FOXJ3: variants seen among roughly 807,000 people sequenced by gnomAD.
FOXJ3 encodes forkhead box protein J3.
FOXJ3 carries 22 observed loss-of-function variants against 76.1 expected under a neutral mutation model. The observed-to-expected ratio is 0.29, with a 90% CI of 0.21 to 0.41. The LOEUF (loss-of-function observed/expected upper bound fraction) is 0.41. Ranked by LOEUF, FOXJ3 falls within the 10% of genes least tolerant of loss-of-function variation. The probability of loss-of-function intolerance (pLI) is 1.00; values close to 1 mark genes in which losing one functional copy is unlikely to be tolerated. For missense variants in FOXJ3, 613 were observed against 762.1 expected, an observed-to-expected ratio of 0.80 and a Z score of 2.30; for synonymous variants, 269 against 261.2, an observed-to-expected ratio of 1.03 and a Z score of -0.29.
intron 4 of FOXJ3, among the ~76,000 whole-genome samples, chr1:42,257,487 G>A (rs1195148418): frequency 2.6e-5 from 4 of 152,064 alleles, no homozygotes; most frequent in East Asian, 1.9e-4. Flanking sequence ...AGGCCAACGC[G>A]GGTGGATAAT....
intron 1 of FOXJ3, among the ~76,000 whole-genome samples, chr1:42,334,630 C>A (rs532851902): frequency 6.6e-6 from 1 of 152,348 alleles, no homozygotes; most frequent in South Asian, 2.1e-4. Flanking sequence ...CAGAAAAGCG[C>A]CCCCAAGCTT....
intron 5 of FOXJ3, among the ~76,000 whole-genome samples, chr1:42,212,149 G>A (rs1646977618): frequency 6.6e-6 from 1 of 152,264 alleles, no homozygotes; most frequent in African/African-American, 2.4e-5. Context: ...AGCTACTCAG[G>A]AGGCTGAGCC....
At chr1:42,332,900 G>C (rs185049563) in intron 1 of FOXJ3, among the ~76,000 whole-genome samples, 1 of 152,258 alleles carries the variant, frequency 6.6e-6, no homozygotes, top group African/African-American at 2.4e-5. Flanking sequence ...GTTATCCCAA[G>C]GAGAAGTTTG....
intron 3 of FOXJ3, among the ~76,000 whole-genome samples, chr1:42,275,179 G>A (rs72952392): frequency 0.017 from 2,572 of 152,232 alleles, 70 homozygotes; most frequent in African/African-American, 0.059. Context: ...AGGGAATCAC[G>A]CACAGCACAT....
rs1178621516 is a variant in FOXJ3 at position 42,195,058 on chromosome 1, T to C, written c.766A>G (p.Ser256Gly). ...GATTGAGAGACTGATTCTGGATGGC[T>C]TGTCACCTAACATTAAAAGAAAACA... ...GSVHSYTPVT[S>G]HPESVSQSLT... The change falls in exon 8 of 13, where the codon AGC becomes GGC. Residue 256 changes from serine to glycine, a missense_variant. By Grantham distance (56) the Ser-to-Gly change is moderately conservative (BLOSUM62 0). This residue lies in a region of FOXJ3 where 526 missense variants were observed against 601.4 expected (regional missense o/e 0.87). Transcript: ENST00000361346. 16 of 1,598,188 alleles carry C rather than the reference T, an allele frequency of 1.0e-5. No homozygotes were observed. The highest frequency in any genetic ancestry group is 1.3e-5 in the Non-Finnish European group (15 of 1,175,078).
intron 5 of FOXJ3, among the ~76,000 whole-genome samples, chr1:42,213,254 A>G (rs1190095108): frequency 6.6e-6 from 1 of 152,134 alleles, no homozygotes; most frequent in East Asian, 1.9e-4. Context: ...TACATGGTCT[A>G]AATGTTCCAC....
chr1:42,235,491 C>T (rs1256228064), intron 4 of FOXJ3, among the ~76,000 whole-genome samples: 6 of 152,148 alleles, frequency 3.9e-5, no homozygotes, highest in Non-Finnish European at 1.5e-5. Context: ...TCTTCTGCAT[C>T]GCTCACTCTA....
intron 4 of FOXJ3, among the ~76,000 whole-genome samples, chr1:42,235,440 G>A (rs987780354): frequency 6.6e-6 from 1 of 152,206 alleles, no homozygotes; most frequent in Non-Finnish European, 1.5e-5. Context: ...TCCCCAGTGA[G>A]ATGAACCCAG....
At chr1:42,313,268 C>CA (rs1281801976) in intron 1 of FOXJ3, among the ~76,000 whole-genome samples, 1 of 149,916 alleles carries the variant, frequency 6.7e-6, no homozygotes, top group Non-Finnish European at 1.5e-5. Flanking sequence ...ACCTGGGAGG[C>CA]AGAGGTTGCA....
At chr1:42,326,365 G>A (rs1345066100) in intron 1 of FOXJ3, among the ~76,000 whole-genome samples, 1 of 152,158 alleles carries the variant, frequency 6.6e-6, no homozygotes, top group Non-Finnish European at 1.5e-5. Flanking sequence ...AGAGAGCTTA[G>A]AAAATATATA....
chr1:42,203,716 C>G (rs970112900), intron 6 of FOXJ3, among the ~76,000 whole-genome samples: 26 of 152,254 alleles, frequency 1.7e-4, no homozygotes, highest in African/African-American at 6.3e-4. Context: ...TTGAACTCAG[C>G]CAGGTGTGGT....
intron 4 of FOXJ3, among the ~76,000 whole-genome samples, chr1:42,249,878 G>A (rs1649879185): frequency 6.6e-6 from 1 of 152,174 alleles, no homozygotes; most frequent in Non-Finnish European, 1.5e-5. Flanking sequence ...AAAAGTTAGA[G>A]TAGGTTAAAA....
chr1:42,276,411 C>A (rs6704227), intron 3 of FOXJ3, among the ~76,000 whole-genome samples: 111,348 of 151,922 alleles, frequency 0.73, 40,995 homozygotes, highest in Admixed American at 0.81. Flanking sequence ...TAATTGCTAC[C>A]GTTATAACCT....
At chr1:42,249,957 T>C (rs1649885294) in intron 4 of FOXJ3, among the ~76,000 whole-genome samples, 1 of 152,084 alleles carries the variant, frequency 6.6e-6, no homozygotes, top group African/African-American at 2.4e-5. Flanking sequence ...ATAAAGAAAA[T>C]GAAATACTAT....
intron 9 of FOXJ3, 41 bp from the exon 10 acceptor site, chr1:42,189,445 A>C (rs777594074): frequency 2.8e-6 from 4 of 1,408,178 alleles, no homozygotes; most frequent in Non-Finnish European, 4.0e-6. Flanking sequence ...GGATGGTGAA[A>C]GGGTGAAGTG....
At chr1:42,236,259 T>C (rs1481723680) in intron 4 of FOXJ3, among the ~76,000 whole-genome samples, 3 of 152,294 alleles carry the variant, frequency 2.0e-5, no homozygotes, top group East Asian at 3.9e-4. Context: ...CACACAATCA[T>C]AGATCAATGC....
chr1:42,193,610 C>T (rs1569810566), intron 8 of FOXJ3, among the ~76,000 whole-genome samples: 1 of 151,884 alleles, frequency 6.6e-6, no homozygotes, highest in East Asian at 1.9e-4. Flanking sequence ...CAAATACTAA[C>T]CAGAAAAAGC....
At chr1:42,232,102 T>C (rs534032451) in intron 4 of FOXJ3, among the ~76,000 whole-genome samples, 2 of 152,348 alleles carry the variant, frequency 1.3e-5, no homozygotes, top group Non-Finnish European at 2.9e-5. Context: ...TCCAGCCTCA[T>C]CCATGTCCCT....
intron 2 of FOXJ3, among the ~76,000 whole-genome samples, chr1:42,282,351 A>C (rs569976375): frequency 9.2e-5 from 14 of 152,274 alleles, no homozygotes; most frequent in African/African-American, 3.4e-4. Context: ...CACTGCTTTC[A>C]TGTCATTATG....
Sources: allele counts gnomAD v4.1 joint callset (sites outside exome capture counted in the v4.1 genomes callset), GRCh38; gene constraint gnomAD v4.1.1; regional missense constraint gnomAD v4.1.1; transcripts MANE v1.5; gene names NCBI Gene and HGNC (gene_info 2026-07-23, HGNC 2026-07-21).